CALD1: variants seen among roughly 807,000 people sequenced by gnomAD.
CALD1 encodes the protein caldesmon.
A neutral mutation model predicts 99.9 loss-of-function variants in CALD1; 33 were observed. The observed-to-expected ratio is 0.33, with a 90% CI of 0.25 to 0.44. CALD1 has a LOEUF of 0.44. Ranked by LOEUF, CALD1 falls within the 20% of genes least tolerant of loss-of-function variation. The probability of loss-of-function intolerance (pLI) is 1.00; values close to 1 mark genes in which losing one functional copy is unlikely to be tolerated. For synonymous variants in CALD1, 310 were observed against 325.0 expected (o/e 0.95, Z 0.50); for missense variants, 861 against 962.1 (o/e 0.89, Z 1.39).
intron 6 of CALD1, among the ~76,000 whole-genome samples, chr7:134,940,325 T>TATG (rs892514717): frequency 1.1e-4 from 16 of 152,138 alleles, no homozygotes; most frequent in African/African-American, 3.9e-4. Context: ...ACGCACAAAA[T>TATG]ATGAAAGCTA....
chr7:134,886,141 G>A (rs1253106963), intron 3 of CALD1, among the ~76,000 whole-genome samples: 1 of 152,210 alleles, frequency 6.6e-6, no homozygotes, highest in Non-Finnish European at 1.5e-5. Context: ...GAGTCTCACA[G>A]CAAGTTGGCT....
intron 8 of CALD1, among the ~76,000 whole-genome samples, chr7:134,950,141 G>A (rs1025091864): frequency 2.0e-5 from 3 of 152,214 alleles, no homozygotes; most frequent in African/African-American, 7.2e-5. Flanking sequence ...CCACAGAGCA[G>A]ATAAATAACA....
chr7:134,965,501 A>G (rs906630647), intron 14 of CALD1, 115 bp downstream of exon 14: 10 of 689,504 alleles, frequency 1.5e-5, no homozygotes, highest in East Asian at 7.7e-5. Flanking sequence ...TTGCCTGCAC[A>G]CCCATCAGTG....
chr7:134,754,695 T>C (rs1796712821), intron 1 of CALD1, among the ~76,000 whole-genome samples: 2 of 151,948 alleles, frequency 1.3e-5, no homozygotes, highest in South Asian at 4.2e-4. Context: ...CTCAACAGTC[T>C]ATAATGGAGA....
chr7:134,879,568 T>G (rs1801501336), intron 3 of CALD1, among the ~76,000 whole-genome samples: 1 of 152,116 alleles, frequency 6.6e-6, no homozygotes, highest in Admixed American at 6.6e-5. Context: ...AGAGTACAAC[T>G]TTTTTTTAAA....
At chr7:134,911,640 G>A (rs995745605) in intron 3 of CALD1, among the ~76,000 whole-genome samples, 1 of 152,132 alleles carries the variant, frequency 6.6e-6, no homozygotes, top group Non-Finnish European at 1.5e-5. Flanking sequence ...GCCTTTCCAT[G>A]TTCTGATTTA....
At chr7:134,944,055 A>G (rs73454271) in intron 7 of CALD1, among the ~76,000 whole-genome samples, 6,500 of 152,234 alleles carry the variant, frequency 0.043, 429 homozygotes, top group African/African-American at 0.15. Flanking sequence ...CTGTACAGTA[A>G]TATGATGAAC....
At chr7:134,897,495 C>T (rs1013555560) in intron 3 of CALD1, among the ~76,000 whole-genome samples, 6 of 151,892 alleles carry the variant, frequency 4.0e-5, no homozygotes, top group Non-Finnish European at 7.4e-5. Context: ...CATTTTAAAA[C>T]GCTGGTCATC....
chr7:134,886,745 T>G (rs1801870153), intron 3 of CALD1, among the ~76,000 whole-genome samples: 1 of 152,194 alleles, frequency 6.6e-6, no homozygotes, highest in Non-Finnish European at 1.5e-5. Flanking sequence ...AAATTGAGCG[T>G]GAGAGTGATT....
At chr7:134,778,978 ATT>A (rs1459605140), upstream of CALD1, among the ~76,000 whole-genome samples, 3 of 152,168 alleles carry the variant, frequency 2.0e-5, no homozygotes, top group Non-Finnish European at 4.4e-5. Flanking sequence ...TTGGTCACTT[ATT>A]TTTATAACAC....
chr7:134,891,476 A>T, intron 3 of CALD1: 1 of 1,379,584 alleles, frequency 7.2e-7, no homozygotes, highest in Non-Finnish European at 9.5e-7. Context: ...GTGTTAACAC[A>T]AAGGGAGAAC....
At chr7:134,729,022 T>C in the CALD1 span, among the ~76,000 whole-genome samples, 1 of 151,970 alleles carries the variant, frequency 6.6e-6, no homozygotes, top group Non-Finnish European at 1.5e-5. Context: ...TGGCTAATAT[T>C]TGTATTTTTA....
chr7:134,919,862 A>G (rs1782319978), intron 3 of CALD1, among the ~76,000 whole-genome samples: 1 of 152,206 alleles, frequency 6.6e-6, no homozygotes, highest in Non-Finnish European at 1.5e-5. Context: ...TAACAGACCA[A>G]TTCACTACAG....
At chr7:134,741,983 A>G (rs11771919), upstream of CALD1, among the ~76,000 whole-genome samples, 88,516 of 151,328 alleles carry the variant, frequency 0.58, 26,627 homozygotes, top group East Asian at 0.86. Context: ...AAGTCCTGAA[A>G]ACTGCAGTAG....
intron 1 of CALD1, among the ~76,000 whole-genome samples, chr7:134,828,547 A>C (rs1293003475): frequency 6.6e-6 from 1 of 152,168 alleles, no homozygotes. Context: ...TCGTTGCTTA[A>C]TCTCGTGGGT....
At chr7:134,768,645 T>TG (rs1454913303) in intron 1 of CALD1, among the ~76,000 whole-genome samples, 2 of 152,014 alleles carry the variant, frequency 1.3e-5, no homozygotes, top group African/African-American at 4.8e-5. Flanking sequence ...GCTAGTTCTC[T>TG]GGGGGGAGAA....
intron 1 of CALD1, among the ~76,000 whole-genome samples, chr7:134,823,668 A>G (rs1344707804): frequency 2.0e-5 from 3 of 152,224 alleles, no homozygotes; most frequent in African/African-American, 7.2e-5. Flanking sequence ...AAAATGACTC[A>G]TTTCATAGTT....
At chr7:134,879,693 T>C (rs113711081) in intron 3 of CALD1, among the ~76,000 whole-genome samples, 2 of 152,362 alleles carry the variant, frequency 1.3e-5, no homozygotes, top group South Asian at 2.1e-4. Flanking sequence ...GCCAGCATGA[T>C]GGAAGTTACC....
At chr7:134,761,998 C>T (rs1421741903) in intron 1 of CALD1, among the ~76,000 whole-genome samples, 1 of 152,150 alleles carries the variant, frequency 6.6e-6, no homozygotes, top group Admixed American at 6.5e-5. Context: ...CTGTGAGTTT[C>T]CCAAGGGAAG....
Sources: gnomAD v4.1 joint callset for allele counts (sites outside exome capture counted in the v4.1 genomes callset) on GRCh38, gnomAD v4.1.1 for gene constraint, MANE v1.5 for transcripts, NCBI Gene and HGNC (gene_info 2026-07-23, HGNC 2026-07-21) for gene names.